Variants in PTK2 observed in about 807,000 individuals in gnomAD.
PTK2 encodes the protein protein tyrosine kinase 2.
Under a neutral mutation model 150.1 loss-of-function variants are expected in PTK2, and 45 were observed. The observed-to-expected ratio is 0.30, with a 90% CI of 0.24 to 0.38. The LOEUF is 0.38. Ranked by LOEUF, PTK2 falls within the 10% of genes least tolerant of loss-of-function variation. The pLI is 1.00. For synonymous variants in PTK2, 432 were observed against 449.2 expected (o/e 0.96, Z 0.48); for missense variants, 919 against 1,307.3 (o/e 0.70, Z 4.58).
At chr8:140,674,254 C>T (rs771527910) in intron 29 of PTK2, 44 bp downstream of exon 32, 3 of 1,540,366 alleles carry the variant, frequency 1.9e-6, no homozygotes, top group Non-Finnish European at 2.7e-6. Flanking sequence ...GGGGACACCA[C>T]AAATCCTGCA....
chr8:140,962,874 C>A (rs1034138715), intron 1 of PTK2, among the ~76,000 whole-genome samples: 18 of 144,860 alleles, frequency 1.2e-4, no homozygotes, highest in African/African-American at 3.3e-4. Flanking sequence ...CCTTGTAGGT[C>A]CCCCCCCCCA....
intron 14 of PTK2, among the ~76,000 whole-genome samples, chr8:140,773,850 G>A (rs1756950314): frequency 6.6e-6 from 1 of 152,120 alleles, no homozygotes; most frequent in Non-Finnish European, 1.5e-5. Context: ...AAGGCCACTA[G>A]TCAAGAAAAA....
At chr8:140,881,238 G>A (rs976864094) in intron 3 of PTK2, among the ~76,000 whole-genome samples, 6 of 152,192 alleles carry the variant, frequency 3.9e-5, no homozygotes, top group African/African-American at 1.2e-4. Flanking sequence ...ATCCAGCTGA[G>A]GGTGAAAAGA....
chr8:140,674,818 C>T (rs1345047621), intron 28 of PTK2, among the ~76,000 whole-genome samples: 3 of 151,526 alleles, frequency 2.0e-5, no homozygotes, highest in East Asian at 3.9e-4. Context: ...GAGGCTGAGG[C>T]GGGCGGATGC....
At chr8:140,846,625 A>G in exon 6 of PTK2, 7 of 1,612,356 alleles carry the variant, frequency 4.3e-6, no homozygotes, top group Non-Finnish European at 5.9e-6. Context: ...CCAACTTCAA[A>G]GCAATTTCCT....
At chr8:140,931,439 C>T (rs1295764595) in intron 1 of PTK2, among the ~76,000 whole-genome samples, 1 of 152,018 alleles carries the variant, frequency 6.6e-6, no homozygotes, top group Non-Finnish European at 1.5e-5. Context: ...GTGGTGCCTG[C>T]CTGTAGTCCC....
chr8:140,971,048 A>G (rs558548009), intron 1 of PTK2, among the ~76,000 whole-genome samples: 1 of 152,328 alleles, frequency 6.6e-6, no homozygotes, highest in South Asian at 2.1e-4. Context: ...ACGTTGCTCA[A>G]CTGTTTATTC....
chr8:140,837,825 G>C (rs558106897), intron 7 of PTK2, among the ~76,000 whole-genome samples: 1 of 151,242 alleles, frequency 6.6e-6, no homozygotes, highest in Non-Finnish European at 1.5e-5. Flanking sequence ...TTAGAAGGCC[G>C]ATGCGGGCTG....
chr8:140,777,209 A>G (rs1005526342), intron 14 of PTK2, among the ~76,000 whole-genome samples: 2 of 152,210 alleles, frequency 1.3e-5, no homozygotes, highest in African/African-American at 4.8e-5. Flanking sequence ...AGACGTTTTA[A>G]TTGGTTCACA....
chr8:140,820,796 G>C (rs1167658150), intron 8 of PTK2: 1 of 152,334 alleles, frequency 6.6e-6, no homozygotes, highest in Admixed American at 6.5e-5. Flanking sequence ...GCCCAGTGGA[G>C]TTCAAGGGGA....
At chr8:140,779,219 A>C (rs1355690722) in intron 14 of PTK2, among the ~76,000 whole-genome samples, 2 of 148,232 alleles carry the variant, frequency 1.3e-5, no homozygotes, top group Admixed American at 6.9e-5. Flanking sequence ...CCGAAATCCC[A>C]CCACTGCACT....
intron 2 of PTK2, among the ~76,000 whole-genome samples, chr8:140,908,040 C>T (rs2154607903): frequency 6.6e-6 from 1 of 152,290 alleles, no homozygotes; most frequent in East Asian, 1.9e-4. Context: ...CTGAAACAAG[C>T]CAAAAGCTAG....
chr8:140,871,527 G>A (rs2100142474), intron 4 of PTK2, among the ~76,000 whole-genome samples: 1 of 152,202 alleles, frequency 6.6e-6, no homozygotes, highest in South Asian at 2.1e-4. Context: ...AGTGGGGCAT[G>A]GTGGCTCATG....
chr8:140,902,091 C>T (rs991703818), intron 2 of PTK2, among the ~76,000 whole-genome samples: 14 of 150,682 alleles, frequency 9.3e-5, no homozygotes, highest in Non-Finnish European at 8.8e-5. Context: ...TGGAGTGCAG[C>T]GGCACAATCT....
chr8:140,861,561 T>A (rs931100756), intron 5 of PTK2, among the ~76,000 whole-genome samples: 1 of 152,150 alleles, frequency 6.6e-6, no homozygotes, highest in South Asian at 2.1e-4. Context: ...TGTATGGTGA[T>A]ATGCAAATGG....
intron 1 of PTK2, among the ~76,000 whole-genome samples, chr8:140,974,866 G>GA (rs927428239): frequency 6.9e-4 from 103 of 149,366 alleles, no homozygotes; most frequent in African/African-American, 2.1e-3. Flanking sequence ...GATATTCCAG[G>GA]AAAAAAAAAA....
chr8:140,810,705 C>T (rs2100101004), intron 10 of PTK2, among the ~76,000 whole-genome samples: 2 of 152,240 alleles, frequency 1.3e-5, no homozygotes, highest in South Asian at 4.1e-4. Flanking sequence ...CCATGCCTGA[C>T]AGCCACCTCA....
chr8:140,873,428 A>G (rs1298778352), intron 4 of PTK2, among the ~76,000 whole-genome samples: 1 of 151,848 alleles, frequency 6.6e-6, no homozygotes, highest in Non-Finnish European at 1.5e-5. Flanking sequence ...TAACATCTTC[A>G]TGTCTCTTGT....
At chr8:140,658,473 A>C (rs2075323444) in exon 32 of PTK2, 1 of 188,194 alleles carries the variant, frequency 5.3e-6, no homozygotes, top group African/African-American at 2.3e-5. Context: ...AGAATAATTT[A>C]TATCCCCCAA....
Sources: allele counts gnomAD v4.1 joint callset (sites outside exome capture counted in the v4.1 genomes callset), GRCh38; gene constraint gnomAD v4.1.1; transcripts MANE v1.5; gene names NCBI Gene and HGNC (gene_info 2026-07-23, HGNC 2026-07-21).